Variants in SORCS1 observed in about 807,000 individuals in gnomAD.
SORCS1 encodes the protein sortilin related VPS10 domain containing receptor 1.
SORCS1 carries 60 observed loss-of-function variants against 146.1 expected under a neutral mutation model. That is an observed-to-expected ratio of 0.41 (90% CI 0.33 to 0.51). The LOEUF is 0.51. Among genes scored for constraint, SORCS1 ranks in the 20% least tolerant of loss-of-function variants. The pLI, the probability that SORCS1 is intolerant of heterozygous loss-of-function variation, is 0.21. For synonymous variants in SORCS1, 637 were observed against 584.0 expected (o/e 1.09, Z -1.31); for missense variants, 1,352 against 1,487.6 (o/e 0.91, Z 1.50).
At chr10:106,685,473 A>C (rs1852761686) in intron 10 of SORCS1, among the ~76,000 whole-genome samples, 1 of 152,242 alleles carries the variant, frequency 6.6e-6, no homozygotes, top group Non-Finnish European at 1.5e-5. Context: ...AAAAGAGTTA[A>C]GACAAATACA....
intron 9 of SORCS1, among the ~76,000 whole-genome samples, chr10:106,690,611 C>T (rs1853226598): frequency 6.6e-6 from 1 of 152,166 alleles, no homozygotes; most frequent in South Asian, 2.1e-4. Context: ...GCAGCTTGGC[C>T]TTCAGGTTTA....
intron 1 of SORCS1, 82 bp downstream of exon 1, chr10:107,163,887 C>T: frequency 6.8e-7 from 1 of 1,462,910 alleles, no homozygotes; most frequent in Admixed American, 2.0e-5. Flanking sequence ...CCTATTTCCC[C>T]CCAATTCTCC....
At chr10:106,676,784 T>C (rs7088049) in intron 13 of SORCS1, among the ~76,000 whole-genome samples, 6,825 of 152,184 alleles carry the variant, frequency 0.045, 508 homozygotes, top group African/African-American at 0.16. Context: ...GTCTTAAAAC[T>C]TGAGAAAGTT....
intron 1 of SORCS1, among the ~76,000 whole-genome samples, chr10:107,020,852 A>G (rs1292136977): frequency 1.3e-5 from 2 of 152,186 alleles, no homozygotes; most frequent in Non-Finnish European, 2.9e-5. Context: ...TTTTTTCTAC[A>G]GCACTAAATT....
At chr10:106,740,178 T>C (rs1857268132) in intron 5 of SORCS1, among the ~76,000 whole-genome samples, 1 of 152,090 alleles carries the variant, frequency 6.6e-6, no homozygotes, top group South Asian at 2.1e-4. Flanking sequence ...CTTTAGAAAA[T>C]ATACACAAAA....
At chr10:107,120,338 GAATA>G (rs964421591) in intron 1 of SORCS1, among the ~76,000 whole-genome samples, 12 of 152,084 alleles carry the variant, frequency 7.9e-5, no homozygotes, top group African/African-American at 2.7e-4. Flanking sequence ...TTTGCTGAAT[GAATA>G]AATAAATACA....
rs1554901318 is a variant in SORCS1 at position 106,976,333 on chromosome 10, GT to G, written c.559-19754del. The stretch of plus-strand genomic sequence containing the variant: ...ATCAACTCATCATCTAGGTTTTTTT[GT>G]TTTTTTTTTTTTTTTGAGACGGAGT... On this transcript the variant is annotated intron_variant, in intron 1 of 25. Transcript: ENST00000263054. Among the ~76,000 whole-genome samples, 24 of 113,800 alleles carry G rather than the reference GT, an allele frequency of 2.1e-4. No individual in the cohort carries two copies. In the South Asian group the frequency reaches 2.2e-3, roughly 10 times the overall value. 74.7% of individuals were successfully genotyped at this position (113,800 alleles called of 152,430 possible). A position where few individuals can be genotyped will look rare whatever the true frequency, so the allele number is the denominator to read the frequency against.
intron 1 of SORCS1, among the ~76,000 whole-genome samples, chr10:107,062,541 G>T (rs1315843375): frequency 1.3e-5 from 2 of 152,072 alleles, no homozygotes; most frequent in Non-Finnish European, 2.9e-5. Context: ...TAGAACTCTT[G>T]ATCACCCATC....
intron 19 of SORCS1, among the ~76,000 whole-genome samples, chr10:106,625,571 T>C (rs970608563): frequency 2.0e-5 from 3 of 152,158 alleles, no homozygotes; most frequent in Non-Finnish European, 4.4e-5. Flanking sequence ...AGCCACACTT[T>C]ACAAAATTCT....
At chr10:107,068,972 T>C (rs1384474951) in intron 1 of SORCS1, among the ~76,000 whole-genome samples, 2 of 152,038 alleles carry the variant, frequency 1.3e-5, no homozygotes, top group Non-Finnish European at 2.9e-5. Flanking sequence ...GAAACCTAAC[T>C]GGTGAGAGAC....
Position 106,575,038 on chromosome 10 carries a change from A to C in SORCS1, c.*2382T>G, listed in dbSNP as rs143765763. 6.5e-6 allele frequency: 1 copy of C among 152,764 alleles called. No individual in the cohort carries two copies. Among genetic ancestry groups the C allele is most frequent in the African/African-American group, 2.4e-5 (1 of 41,574 alleles). 9.5% of individuals were successfully genotyped at this position (152,764 alleles called of 1,614,324 possible). ...AGAATAAGAGTGTTATACCTCTTTC[A>C]TACTTTTCTAATTAAAATGAATTGA... is the stretch of plus-strand genomic sequence containing the variant. On this transcript the variant is annotated 3_prime_UTR_variant, in exon 26 of 26. Coordinates refer to ENST00000263054, the MANE Select transcript of SORCS1 (RefSeq NM_052918.5).
intron 24 of SORCS1, among the ~76,000 whole-genome samples, chr10:106,580,107 G>A (rs1232093350): frequency 6.6e-6 from 1 of 152,160 alleles, no homozygotes; most frequent in African/African-American, 2.4e-5. Context: ...TAATTGGAAA[G>A]TTGTCATACG....
At chr10:107,036,421 G>T (rs759702436) in intron 1 of SORCS1, among the ~76,000 whole-genome samples, 2 of 152,088 alleles carry the variant, frequency 1.3e-5, no homozygotes, top group Admixed American at 6.5e-5. Context: ...AATTGCATTC[G>T]TGAGATAGAA....
chr10:106,628,781 T>C (rs972831449), intron 19 of SORCS1, among the ~76,000 whole-genome samples: 1 of 152,174 alleles, frequency 6.6e-6, no homozygotes. Context: ...AATAATCAGA[T>C]GGGGAGAAAT....
intron 5 of SORCS1, among the ~76,000 whole-genome samples, chr10:106,740,131 T>C (rs1245917952): frequency 6.6e-6 from 1 of 152,094 alleles, no homozygotes; most frequent in Non-Finnish European, 1.5e-5. Flanking sequence ...TTATTAGATA[T>C]AAGTTGTGGA....
At chr10:107,030,529 A>G (rs1378483392) in intron 1 of SORCS1, among the ~76,000 whole-genome samples, 1 of 152,236 alleles carries the variant, frequency 6.6e-6, no homozygotes, top group Non-Finnish European at 1.5e-5. Context: ...CAACAGGTGT[A>G]GGCACATATT....
At chr10:107,180,164 C>T in the SORCS1 span, among the ~76,000 whole-genome samples, 3 of 152,056 alleles carry the variant, frequency 2.0e-5, no homozygotes, top group African/African-American at 7.2e-5. Context: ...CATCCTCCTG[C>T]CTTGGCCTCC....
At chr10:107,058,999 A>G (rs17195499) in intron 1 of SORCS1, among the ~76,000 whole-genome samples, 1 of 149,086 alleles carries the variant, frequency 6.7e-6, no homozygotes, top group Admixed American at 6.7e-5. Context: ...CCGGGTTTTT[A>G]TCACGTGCTA....
chr10:106,668,937 G>A (rs963446569), intron 16 of SORCS1, among the ~76,000 whole-genome samples: 2 of 152,082 alleles, frequency 1.3e-5, no homozygotes, highest in African/African-American at 2.4e-5. Context: ...TGTAATCACC[G>A]AAACTCCAGC....
Sources: gnomAD v4.1 joint callset for allele counts (sites outside exome capture counted in the v4.1 genomes callset) on GRCh38, gnomAD v4.1.1 for gene constraint, MANE v1.5 for transcripts, NCBI Gene and HGNC (gene_info 2026-07-23, HGNC 2026-07-21) for gene names.